Variants in TMEM44 observed in about 807,000 individuals in gnomAD.
TMEM44 encodes transmembrane protein 44.
A neutral mutation model predicts 47.8 loss-of-function variants in TMEM44; 43 were observed. The observed-to-expected ratio is 0.90, with a 90% confidence interval of 0.70 to 1.16. The LOEUF (loss-of-function observed/expected upper bound fraction) is 1.16, where lower values mean the gene tolerates loss of function less well. Among genes scored for constraint, TMEM44 ranks in the 50% most tolerant of loss-of-function variants. The pLI is 0.00. For synonymous variants in TMEM44, 277 were observed against 238.8 expected (o/e 1.16, Z -1.48); for missense variants, 568 against 555.2 (o/e 1.02, Z -0.23).
Position 194,629,593 on chromosome 3 carries a change from G to A in TMEM44, c.138-1084C>T, listed in dbSNP as rs143466038. On this transcript the variant is annotated intron_variant, in intron 1 of 9. Transcript: ENST00000347147. ...ATTGTCGTACATGCCTCCTGAAGGG[G>A]CTGGCTGTTTCTATCGGCGTCCCTG... Among the ~76,000 whole-genome samples the A allele has an allele frequency of 6.6e-5, 10 of 152,210 alleles. No individual in the cohort carries two copies. In the East Asian group the frequency reaches 1.9e-3, roughly 29 times the overall value.
Position 194,628,464 on chromosome 3 carries a change from C to T in TMEM44, c.183G>A (p.Ser61=), listed in dbSNP as rs144077971. ...GGAGGCAGCACGCAGCACACAGTGC[C>T]GACTGGTCCTGTCTGGGTTTCTGTG... ...RCAQKPRQDQ[S]ALCAACCLLT... is the part of the protein sequence containing the mutation. The change falls in exon 2 of 10, where the codon TCG becomes TCA. Residue 61 remains serine, a synonymous_variant. Transcript: ENST00000347147. 911 of 1,613,428 alleles carry T rather than the reference C, an allele frequency of 5.6e-4. 2 individuals are homozygous for T. The highest frequency in any genetic ancestry group is 5.3e-4 in the Non-Finnish European group (631 of 1,179,806).
chr3:194,614,560 T>G (rs1207900121), intron 7 of TMEM44, among the ~76,000 whole-genome samples: 1 of 152,002 alleles, frequency 6.6e-6, no homozygotes. Context: ...CACACCACCA[T>G]ACCCGGCCAA....
chr3:194,616,620 C>T (rs1353176127), intron 6 of TMEM44: 6 of 456,658 alleles, frequency 1.3e-5, no homozygotes, highest in South Asian at 4.6e-5. Flanking sequence ...CCCCTCTTAG[C>T]GCCTGCAGAC....
In TMEM44 at chr3:194,611,247, G is replaced by A. The variant is rs1420086242; in HGVS notation, c.913-227C>T. 6.6e-6 allele frequency among the ~76,000 whole-genome samples: 1 copy of A among 152,110 alleles called. No homozygotes were observed. Among genetic ancestry groups the A allele is most frequent in the Non-Finnish European group, 1.5e-5 (1 of 68,016 alleles). Reference sequence around the variant, plus strand: ...TTTTGCAACACAGTAGAATCAGCTAGGAATCTTTTTTATTTTATTTTATTT... The same window carrying A: ...TTTTGCAACACAGTAGAATCAGCTAAGAATCTTTTTTATTTTATTTTATTT... On this transcript the variant is annotated intron_variant, in intron 7 of 9. Transcript: ENST00000347147. This position sits in a 1 kb window ranked among gnomAD's most constrained non-coding sequence, Gnocchi z 4.2.
Position 194,610,962 on chromosome 3 carries a change from G to GCAA in TMEM44, c.970_971insTTG (p.Thr324delinsIleAla). 6.2e-7 allele frequency: 1 copy of GCAA among 1,614,034 alleles called. No homozygotes were observed. Among genetic ancestry groups the GCAA allele is most frequent in the Non-Finnish European group, 8.5e-7 (1 of 1,179,998 alleles). On this transcript the variant is annotated protein_altering_variant, in exon 8 of 10. Transcript: ENST00000347147. ...CAGCTCCATGTAGCGACTGATTGCT[G>GCAA]TCATTGTCCTCAGTGACTTGCAGTG...
At chr3:194,623,920 G>A (rs1225432241) in intron 3 of TMEM44, among the ~76,000 whole-genome samples, 2 of 151,972 alleles carry the variant, frequency 1.3e-5, no homozygotes, top group Non-Finnish European at 2.9e-5. Context: ...CCCCCATAAC[G>A]TGCTGCCCTC....
intron 9 of TMEM44, among the ~76,000 whole-genome samples, chr3:194,593,644 A>G (rs950957496): frequency 1.3e-5 from 2 of 152,192 alleles, no homozygotes; most frequent in African/African-American, 4.8e-5. Flanking sequence ...CCTGGGAAAC[A>G]TATGTTTCTG....
chr3:194,594,901 G>GTCAGTAT (rs1431671370), intron 9 of TMEM44, among the ~76,000 whole-genome samples: 1 of 152,132 alleles, frequency 6.6e-6, no homozygotes, highest in Non-Finnish European at 1.5e-5. Flanking sequence ...AGTGGGAATA[G>GTCAGTAT]TCAGTATTTT....
chr3:194,593,474 C>A (rs1713008715), intron 9 of TMEM44, among the ~76,000 whole-genome samples: 1 of 152,132 alleles, frequency 6.6e-6, no homozygotes, highest in Admixed American at 6.5e-5. Flanking sequence ...AATAAAATTC[C>A]TGCCTTGCAA....
rs933200060 is a variant in TMEM44, at chr3:194,625,913, T to A, written c.342A>T (p.Lys114Asn). 1 of 1,613,438 alleles carries A rather than the reference T, an allele frequency of 6.2e-7. No homozygotes were observed. The highest frequency in any genetic ancestry group is 8.5e-7 in the Non-Finnish European group (1 of 1,179,434). The change falls in exon 3 of 10, where the codon AAA becomes AAT. Residue 114 changes from lysine to asparagine, a missense_variant. Physicochemically the swap from Lys to Asn is moderately conservative, Grantham distance 94. Transcript: ENST00000347147. ...CACACTCACCTGAATTAGACTTGAA[T>A]TTGGATCCACAGACTGGGAAGAGAA... ...MFILFPVCGS[K>N]FKSNSDREAR...
chr3:194,613,698 T>A (rs1354735464), intron 7 of TMEM44, among the ~76,000 whole-genome samples: 3 of 150,766 alleles, frequency 2.0e-5, no homozygotes, highest in African/African-American at 7.3e-5. Flanking sequence ...TTCACCACGT[T>A]GGTCAGGCTG....
chr3:194,599,072 C>T (rs1455464149), intron 9 of TMEM44, among the ~76,000 whole-genome samples: 1 of 152,178 alleles, frequency 6.6e-6, no homozygotes, highest in African/African-American at 2.4e-5. Context: ...GAGCCCAACG[C>T]CATGAAATAT....
At chr3:194,598,260 C>T (rs571138216) in intron 9 of TMEM44, among the ~76,000 whole-genome samples, 7 of 152,142 alleles carry the variant, frequency 4.6e-5, no homozygotes, top group South Asian at 4.1e-4. Context: ...CTGTCTCAGC[C>T]GTCTCCTGTT....
rs565048068 is a variant in TMEM44 at position 194,614,416 on chromosome 3, T to C, written c.912+1153A>G. 3.9e-4 allele frequency among the ~76,000 whole-genome samples: 59 copies of C among 152,338 alleles called. 1 individual carries two copies. The highest frequency in any genetic ancestry group is 7.1e-4 in the Non-Finnish European group (48 of 68,034). On this transcript the variant is annotated intron_variant, in intron 7 of 9. Transcript: ENST00000347147. ...GAGTGAAAATCACATAATTTACTTA[T>C]GTTTTTGAGATGGGGTCTCACTCTG... is the stretch of plus-strand genomic sequence containing the variant.
intron 9 of TMEM44, chr3:194,592,920 CT>C: frequency 1.7e-5 from 22 of 1,289,272 alleles, no homozygotes; most frequent in East Asian, 2.4e-5. Flanking sequence ...GCCTGACATT[CT>C]TTTTTTACTG....
intron 5 of TMEM44, among the ~76,000 whole-genome samples, chr3:194,621,718 A>ATTTT (rs34426435): frequency 6.8e-6 from 1 of 147,278 alleles, no homozygotes; most frequent in African/African-American, 2.5e-5. Flanking sequence ...TGGGCAAGTA[A>ATTTT]TTTTTTTTTT....
chr3:194,607,978 G>A (rs768748084), intron 8 of TMEM44, among the ~76,000 whole-genome samples: 1 of 152,222 alleles, frequency 6.6e-6, no homozygotes, highest in Non-Finnish European at 1.5e-5. Context: ...CTTTCATGGA[G>A]TCTGTTCCCC....
chr3:194,622,459 C>T (rs150381669), intron 5 of TMEM44: 1,668 of 152,358 alleles, frequency 0.011, 13 homozygotes, highest in Non-Finnish European at 0.019. Context: ...AGCGCTCGCC[C>T]CTGCTCACAT....
At chr3:194,623,401 T>C in intron 4 of TMEM44, 91 bp from the exon 5 acceptor site, 1 of 1,513,874 alleles carries the variant, frequency 6.6e-7, no homozygotes, top group South Asian at 1.2e-5. Flanking sequence ...AGTCCTTTTC[T>C]GCTTTTAGAG....
Sources: gnomAD v4.1 joint callset for allele counts (sites outside exome capture counted in the v4.1 genomes callset) on GRCh38, gnomAD v4.1.1 for gene constraint, Gnocchi (gnomAD v3.1) non-coding constraint, MANE v1.5 for transcripts, NCBI Gene and HGNC (gene_info 2026-07-23, HGNC 2026-07-21) for gene names.